The following ANKMY1 variants were observed in gnomAD, a reference collection of about 807,000 sequenced individuals.
ANKMY1 encodes ankyrin repeat and MYND domain containing 1, also known as ankyrin repeat and MYND domain-containing protein 1.
Under a neutral mutation model 102.0 loss-of-function variants are expected in ANKMY1, and 98 were observed. The observed-to-expected ratio is 0.96, with a 90% CI of 0.82 to 1.14. The LOEUF is 1.14. Ranked by LOEUF, ANKMY1 falls within the 50% of genes most tolerant of loss-of-function variation. ANKMY1 has a pLI of 0.00. For synonymous variants in ANKMY1, 582 were observed against 559.9 expected, an observed-to-expected ratio of 1.04 and a Z score of -0.56; for missense variants, 1,330 against 1,347.6, an observed-to-expected ratio of 0.99 and a Z score of 0.20.
chr2:240,477,133 G>T (rs1272207625), downstream of ANKMY1, among the ~76,000 whole-genome samples: 1 of 152,080 alleles, frequency 6.6e-6, no homozygotes, highest in Admixed American at 6.6e-5. Context: ...CCTGCCCAAC[G>T]TGGAGAAACC....
At chr2:240,554,261 T>C (rs1314969021) in intron 3 of ANKMY1, 2 of 152,326 alleles carry the variant, frequency 1.3e-5, no homozygotes, top group East Asian at 3.9e-4. Context: ...CCTTTCTCTT[T>C]CCCAGGGGTG....
Position 240,524,069 on chromosome 2 carries a change from G to C in ANKMY1, c.1648C>G (p.Leu550Val). The C allele has an allele frequency of 6.2e-7, 1 of 1,614,066 alleles. No homozygotes were observed. Among genetic ancestry groups the C allele is most frequent in the Non-Finnish European group, 8.5e-7 (1 of 1,180,052 alleles). The change falls in exon 8 of 18, where the codon CTG (leucine) becomes GTG (valine). Residue 550 changes from leucine to valine, a missense_variant. By Grantham distance (32) the Leu-to-Val change is conservative. Coordinates refer to ENST00000401804, the MANE Select transcript of ANKMY1 (RefSeq NM_001282771.3). ...TCAAATTTCGTCTCAGCACTGCACA[G>C]ACTGCCCCGGTCTGTGTTTCCCAAC... is the stretch of plus-strand genomic sequence containing the variant. Reference protein sequence around the residue: ...DVLGNTDRGSLCSAETKFESN... With the variant: ...DVLGNTDRGSVCSAETKFESN...
intron 11 of ANKMY1, 73 bp downstream of exon 11, chr2:240,511,788 G>A: frequency 6.1e-6 from 9 of 1,480,798 alleles, no homozygotes; most frequent in Non-Finnish European, 8.0e-6. Context: ...ATGCTTCCGG[G>A]GGCACAAGGC....
At chr2:240,517,366 T>C (rs960961764) in intron 9 of ANKMY1, among the ~76,000 whole-genome samples, 2 of 152,226 alleles carry the variant, frequency 1.3e-5, no homozygotes, top group Admixed American at 6.5e-5. Flanking sequence ...TCAAGTTGTT[T>C]TGGGACCTTG....
chr2:240,549,566 A>G (rs2091120691), intron 4 of ANKMY1, among the ~76,000 whole-genome samples: 1 of 152,224 alleles, frequency 6.6e-6, no homozygotes, highest in African/African-American at 2.4e-5. Context: ...CTACCATCAG[A>G]GTAAACAGGC....
At position 240,480,938 on chromosome 2, in the gene ANKMY1, G is replaced by C. The variant is rs759247151; in HGVS notation, c.3045C>G (p.Ile1015Met). 2 of 1,604,790 alleles carry C rather than the reference G, an allele frequency of 1.2e-6. No individual in the cohort carries two copies. Among genetic ancestry groups the C allele is most frequent in the South Asian group, 1.1e-5 (1 of 90,884 alleles). Reference protein sequence around the residue: ...HKKDCGDLVAIVTQLEQVSRR... With the variant: ...HKKDCGDLVAMVTQLEQVSRR... ...CTCCCAGCCTGAGGGCCGACCTACC[G>C]ATGGCCACCAGGTCCCCGCAGTCCT... Residue 1015 changes from isoleucine (I) to methionine (M), a missense_variant and splice_region_variant, in exon 17 of 18, where the codon ATC (isoleucine) becomes ATG (methionine). By Grantham distance (10) the Ile-to-Met change is conservative. Transcript: ENST00000401804.
chr2:240,474,928 A>G (rs114165775), downstream of ANKMY1, among the ~76,000 whole-genome samples: 15,198 of 152,218 alleles, frequency 0.1, 809 homozygotes, highest in African/African-American at 0.12. Flanking sequence ...ATATTCCTTT[A>G]GGTACATACC....
chr2:240,556,040 C>T (rs990557035), intron 2 of ANKMY1, among the ~76,000 whole-genome samples: 6 of 152,182 alleles, frequency 3.9e-5, no homozygotes, highest in Non-Finnish European at 8.8e-5. Flanking sequence ...CCTGTGGAGC[C>T]GCCTTCTCAT....
intron 9 of ANKMY1, among the ~76,000 whole-genome samples, chr2:240,516,710 T>C (rs76627540): frequency 0.018 from 2,741 of 152,322 alleles, 80 homozygotes; most frequent in African/African-American, 0.062. Context: ...GGGGAGTTCA[T>C]GGAAAGGACT....
At chr2:240,546,623 G>A (rs909659832) in intron 4 of ANKMY1, among the ~76,000 whole-genome samples, 24 of 152,186 alleles carry the variant, frequency 1.6e-4, no homozygotes, top group Admixed American at 4.6e-4. Flanking sequence ...CCCATCCCAC[G>A]TGCAGAGACA....
chr2:240,480,950 G>C lies in ANKMY1; in HGVS notation c.3033C>G (p.Asp1011Glu). The C allele has an allele frequency of 6.2e-7, 1 of 1,609,672 alleles. No individual in the cohort carries two copies. Among genetic ancestry groups the C allele is most frequent in the Non-Finnish European group, 8.5e-7 (1 of 1,176,436 alleles). The stretch of plus-strand genomic sequence containing the variant: ...GGGCCGACCTACCGATGGCCACCAG[G>C]TCCCCGCAGTCCTTCTTGTGGAACT... ...WTEFHKKDCG[D>E]LVAIVTQLEQ... The change falls in exon 17 of 18, where the codon GAC becomes GAG. Residue 1011 changes from aspartate to glutamate, a missense_variant. Physicochemically the swap from Asp to Glu is conservative, Grantham distance 45. Coordinates refer to ENST00000401804, the MANE Select transcript of ANKMY1 (RefSeq NM_001282771.3).
At chr2:240,558,259 C>T (rs1057165445), upstream of ANKMY1, 4 of 152,336 alleles carry the variant, frequency 2.6e-5, no homozygotes, top group African/African-American at 9.6e-5. Context: ...CGTGGGACAC[C>T]TGAGGAAACT....
In ANKMY1 at chr2:240,479,633, G is replaced by C; in HGVS notation, c.3069C>G (p.Ser1023=). 6.2e-7 allele frequency: 1 copy of C among 1,613,828 alleles called. No homozygotes were observed. The highest frequency in any genetic ancestry group is 1.3e-5 in the African/African-American group (1 of 75,056). The part of the protein sequence containing the change: ...VAIVTQLEQV[S]RRREEFQ ...TTCACTGGAATTCTTCTCTCCTCCT[G>C]GAAACTTGCTCCAGTTGTGTCACTG... is the stretch of plus-strand genomic sequence containing the variant. The change falls in exon 18 of 18, where the codon TCC becomes TCG. Residue 1023 remains serine, a synonymous_variant. Transcript: ENST00000401804.
chr2:240,482,107 T>A, intron 16 of ANKMY1, 76 bp downstream of exon 16: 2 of 1,499,628 alleles, frequency 1.3e-6, no homozygotes, highest in Non-Finnish European at 1.8e-6. Context: ...GATGAGGTGG[T>A]CAGGCCAGGC....
intron 4 of ANKMY1, among the ~76,000 whole-genome samples, chr2:240,545,285 C>G (rs1435146766): frequency 6.6e-6 from 1 of 152,204 alleles, no homozygotes; most frequent in Non-Finnish European, 1.5e-5. Context: ...TCCAACAGAC[C>G]TGCAGCTGAG....
chr2:240,475,989 T>C (rs1476626258), downstream of ANKMY1, among the ~76,000 whole-genome samples: 2 of 151,976 alleles, frequency 1.3e-5, no homozygotes, highest in Non-Finnish European at 2.9e-5. Flanking sequence ...TTTACAGAAA[T>C]AGCAAAAACA....
At position 240,529,227 on chromosome 2, in the gene ANKMY1, G is replaced by A. The variant is rs2084671794; in HGVS notation, c.763C>T (p.Leu255=). ...GAGTAGACATACATTTCTGGAGGCA[G>A]CGTTAGGTTGTCATTCAGAAGAAAC... ...KRFLLNDNLT[L]PPEMYVYSTN... Residue 255 remains leucine (L), a synonymous_variant, in exon 5 of 18, where the codon CTG becomes TTG. Transcript: ENST00000401804. This position sits in a 1 kb window ranked among gnomAD's most constrained non-coding sequence, Gnocchi z 4.2. The A allele has an allele frequency of 1.2e-6, 2 of 1,614,204 alleles. No homozygotes were observed. The highest frequency in any genetic ancestry group is 2.7e-5 in the African/African-American group (2 of 75,054).
chr2:240,480,883 C>T lies in ANKMY1; in HGVS notation c.3046+54G>A, dbSNP rs537159217. The T allele has an allele frequency of 2.8e-5, 44 of 1,577,172 alleles. No individual in the cohort carries two copies. The East Asian group carries it at 9.3e-4, about 33-fold the overall frequency. Reference sequence around the variant, plus strand: ...CCTCACCAGCACCCCAGGCCTGCGCCTTCGCCCTCAGCAGCAGCGGAACCC... The same window carrying T: ...CCTCACCAGCACCCCAGGCCTGCGCTTTCGCCCTCAGCAGCAGCGGAACCC... On this transcript the variant is annotated intron_variant, in intron 17 of 17. Transcript: ENST00000401804.
chr2:240,526,176 G>A, intron 6 of ANKMY1, 53 bp downstream of exon 6: 1 of 1,604,682 alleles, frequency 6.2e-7, no homozygotes, highest in Non-Finnish European at 8.5e-7. Context: ...CCACATGTGT[G>A]ACCCTCACAG....
Sources: allele counts gnomAD v4.1 joint callset (sites outside exome capture counted in the v4.1 genomes callset), GRCh38; gene constraint gnomAD v4.1.1; non-coding constraint Gnocchi (gnomAD v3.1); transcripts MANE v1.5; gene names NCBI Gene and HGNC (gene_info 2026-07-23, HGNC 2026-07-21).